ARNT2: variants seen among roughly 807,000 people sequenced by gnomAD.
The protein encoded by ARNT2 is aryl hydrocarbon receptor nuclear translocator 2.
A neutral mutation model predicts 91.7 loss-of-function variants in ARNT2; 36 were observed. The observed-to-expected ratio is 0.39, with a 90% CI of 0.30 to 0.52. ARNT2 has a LOEUF of 0.52. Ranked by LOEUF, ARNT2 falls within the 20% of genes least tolerant of loss-of-function variation. The pLI is 0.72. For synonymous variants in ARNT2, 365 were observed against 347.1 expected (o/e 1.05, Z -0.57); for missense variants, 775 against 939.3 (o/e 0.83, Z 2.29).
chr15:80,505,091 T>C (rs927923315), intron 5 of ARNT2, among the ~76,000 whole-genome samples: 1 of 152,206 alleles, frequency 6.6e-6, no homozygotes, highest in African/African-American at 2.4e-5. Flanking sequence ...GGAAACACAT[T>C]TGTCGCTTGC....
At chr15:80,555,263 A>G in intron 11 of ARNT2, 124 bp downstream of exon 11, 1 of 933,442 alleles carries the variant, frequency 1.1e-6, no homozygotes. Context: ...GGCCTCACTC[A>G]GGGCCCCTGC....
rs1898101659 is a variant in ARNT2 at position 80,552,631 on chromosome 15, C to T, written c.955-9C>T. 6.2e-7 allele frequency: 1 copy of T among 1,613,050 alleles called. No individual in the cohort carries two copies. Among genetic ancestry groups the T allele is most frequent in the African/African-American group, 1.3e-5 (1 of 74,902 alleles). On this transcript the variant is annotated splice_polypyrimidine_tract_variant and intron_variant, in intron 9 of 18. Coordinates refer to ENST00000303329, the MANE Select transcript of ARNT2 (RefSeq NM_014862.4). ...ACACCACCTCAACTGTGGATTTTCC[C>T]CATCCCAGGTGACCAGCTCTCCTGT...
chr15:80,497,246 CAAGT>C lies in ARNT2; in HGVS notation c.623-10906_623-10903del, dbSNP rs370211504. ...GATTATCCAGTAGGCATGACCCAAA[CAAGT>C]AAGCCATTTAAAAGGAGAAAATTGT... On this transcript the variant is annotated intron_variant, in intron 5 of 18. Transcript: ENST00000303329. 9.2e-5 allele frequency among the ~76,000 whole-genome samples: 14 copies of C among 152,336 alleles called. No homozygotes were observed. In the South Asian group the frequency reaches 2.3e-3, roughly 25 times the overall value.
intron 16 of ARNT2, among the ~76,000 whole-genome samples, chr15:80,580,852 G>C (rs1036038325): frequency 2.0e-4 from 30 of 152,216 alleles, no homozygotes; most frequent in African/African-American, 7.2e-4. Flanking sequence ...CTGGACCTCT[G>C]GCTGCCCCTG....
At chr15:80,563,331 C>A in intron 12 of ARNT2, 92 bp downstream of exon 12, 1 of 1,495,360 alleles carries the variant, frequency 6.7e-7, no homozygotes, top group Non-Finnish European at 9.2e-7. Flanking sequence ...TTCTCCCTGC[C>A]GGCTCTCCCT....
rs376706310 is a variant in ARNT2, at chr15:80,450,938, C to T, written c.90C>T (p.Thr30=). 3.0e-5 allele frequency: 48 copies of T among 1,614,200 alleles called. No individual in the cohort carries two copies. Among genetic ancestry groups the T allele is most frequent in the African/African-American group, 8.0e-5 (6 of 75,064 alleles). Residue 30 remains threonine, a synonymous_variant, in exon 2 of 19, where the codon ACC becomes ACT. Transcript: ENST00000303329. ...TGCCCGTTGCCCCCATGGCGGCCACCGGACAGGTGAGGATGGCGGGGGCCA... is the reference window on the plus strand; with the variant it reads ...TGCCCGTTGCCCCCATGGCGGCCACTGGACAGGTGAGGATGGCGGGGGCCA... ...VTLPVAPMAA[T]GQVRMAGAMP...
At chr15:80,582,339 A>G (rs993318504) in intron 17 of ARNT2, among the ~76,000 whole-genome samples, 2 of 151,826 alleles carry the variant, frequency 1.3e-5, no homozygotes, top group Non-Finnish European at 2.9e-5. Flanking sequence ...AAAAAAAAAA[A>G]AAAAAAATTA....
chr15:80,510,348 C>A, intron 6 of ARNT2, among the ~76,000 whole-genome samples: 1 of 151,742 alleles, frequency 6.6e-6, no homozygotes, highest in South Asian at 2.1e-4. Context: ...AACAAATTTA[C>A]AATAAAAAAA....
chr15:80,455,069 T>C (rs1485595227), intron 2 of ARNT2, among the ~76,000 whole-genome samples: 1 of 152,190 alleles, frequency 6.6e-6, no homozygotes, highest in African/African-American at 2.4e-5. Flanking sequence ...AAAGGATGAT[T>C]TACTTAGACT....
intron 1 of ARNT2, among the ~76,000 whole-genome samples, chr15:80,414,489 T>C (rs1895748742): frequency 6.6e-6 from 1 of 152,190 alleles, no homozygotes; most frequent in Non-Finnish European, 1.5e-5. Context: ...CTTTAAAACA[T>C]GTCAAGAAAA....
chr15:80,431,953 C>T (rs1453515959), intron 1 of ARNT2, among the ~76,000 whole-genome samples: 1 of 152,184 alleles, frequency 6.6e-6, no homozygotes, highest in Non-Finnish European at 1.5e-5. Flanking sequence ...GGGTCGCTGC[C>T]CAGGGCCGCT....
rs1330602886 is a variant in ARNT2 at position 80,595,200 on chromosome 15, TC to T, written c.*1503del. 2.0e-5 allele frequency: 3 copies of T among 152,414 alleles called. No individual in the cohort carries two copies. The East Asian group carries it at 5.8e-4, about 29-fold the overall frequency. 9.4% of individuals were successfully genotyped at this position (152,414 alleles called of 1,614,324 possible). The stretch of plus-strand genomic sequence containing the variant: ...GTGACCATTACGCCCCCTCCCTGTT[TC>T]TTATCACCAGCCCATCAGCCCACTG... On this transcript the variant is annotated 3_prime_UTR_variant, in exon 19 of 19. Coordinates refer to ENST00000303329, the MANE Select transcript of ARNT2 (RefSeq NM_014862.4).
intron 5 of ARNT2, among the ~76,000 whole-genome samples, chr15:80,493,003 A>G (rs1355605308): frequency 6.6e-6 from 1 of 152,220 alleles, no homozygotes; most frequent in African/African-American, 2.4e-5. Context: ...TATAATGAAC[A>G]GAAACTTATT....
At chr15:80,572,217 C>T (rs1177533366) in intron 12 of ARNT2, among the ~76,000 whole-genome samples, 1 of 152,052 alleles carries the variant, frequency 6.6e-6, no homozygotes, top group Non-Finnish European at 1.5e-5. Context: ...GGCAAATGCA[C>T]AGGGGCGGGT....
intron 8 of ARNT2, among the ~76,000 whole-genome samples, chr15:80,549,203 C>A (rs190224637): frequency 1.1e-4 from 16 of 152,074 alleles, no homozygotes; most frequent in African/African-American, 3.4e-4. Context: ...GATTAATATC[C>A]CAAAACTCCC....
chr15:80,532,769 C>T (rs745550411), intron 8 of ARNT2, among the ~76,000 whole-genome samples: 1 of 152,198 alleles, frequency 6.6e-6, no homozygotes, highest in Admixed American at 6.5e-5. Flanking sequence ...GATCCTGATA[C>T]GTGCTTTCAA....
intron 9 of ARNT2, among the ~76,000 whole-genome samples, chr15:80,551,652 T>C (rs368095581): frequency 2.1e-4 from 32 of 152,322 alleles, no homozygotes; most frequent in African/African-American, 6.7e-4. Flanking sequence ...TCACATCTTA[T>C]TCCCACACAG....
intron 1 of ARNT2, among the ~76,000 whole-genome samples, chr15:80,423,096 G>A (rs1051828129): frequency 7.2e-5 from 11 of 152,156 alleles, no homozygotes; most frequent in Admixed American, 3.3e-4. Context: ...CTTCAGGCAG[G>A]TTCTTAGCCT....
At chr15:80,462,391 C>G (rs565938444) in intron 3 of ARNT2, among the ~76,000 whole-genome samples, 1 of 152,130 alleles carries the variant, frequency 6.6e-6, no homozygotes, top group Non-Finnish European at 1.5e-5. Context: ...TGAATGTATG[C>G]GTAATGTGTC....
Sources: gnomAD v4.1 joint callset for allele counts (sites outside exome capture counted in the v4.1 genomes callset) on GRCh38, gnomAD v4.1.1 for gene constraint, MANE v1.5 for transcripts, NCBI Gene and HGNC (gene_info 2026-07-23, HGNC 2026-07-21) for gene names.